Variants in TNFRSF8 observed in about 807,000 individuals in gnomAD.
TNFRSF8 encodes TNF receptor superfamily member 8.
Under a neutral mutation model 70.8 loss-of-function variants are expected in TNFRSF8, and 26 were observed. The observed-to-expected ratio is 0.37, with a 90% confidence interval of 0.27 to 0.51. The LOEUF (loss-of-function observed/expected upper bound fraction) is 0.51. Ranked by LOEUF, TNFRSF8 falls within the 20% of genes least tolerant of loss-of-function variation. The pLI, the probability that TNFRSF8 is intolerant of heterozygous loss-of-function variation, is 0.94. For missense variants in TNFRSF8, 720 were observed against 807.9 expected (o/e 0.89, Z 1.32); for synonymous variants, 356 against 339.2 (o/e 1.05, Z -0.54).
At chr1:12,115,825 GA>G in intron 8 of TNFRSF8, 96 bp downstream of exon 8, 1 of 1,384,434 alleles carries the variant, frequency 7.2e-7, no homozygotes, top group Non-Finnish European at 9.9e-7. Flanking sequence ...GGAGGCAAAT[GA>G]CCTACACCCT....
At chr1:12,070,251 C>T (rs1640818879) in intron 1 of TNFRSF8, among the ~76,000 whole-genome samples, 1 of 151,686 alleles carries the variant, frequency 6.6e-6, no homozygotes, top group Admixed American at 6.6e-5. Context: ...GCTTTTTCTT[C>T]TTTTCTTTTC....
chr1:12,080,973 A>G (rs1031530882), intron 1 of TNFRSF8, among the ~76,000 whole-genome samples: 1 of 152,176 alleles, frequency 6.6e-6, no homozygotes, highest in African/African-American at 2.4e-5. Flanking sequence ...ACCTTGGGCA[A>G]GTGGCTACAC....
At position 12,123,368 on chromosome 1, in the gene TNFRSF8, C is replaced by A; in HGVS notation, c.1031C>A (p.Ala344Glu). The change falls in exon 9 of 15, where the codon GCG becomes GAG. Residue 344 changes from alanine to glutamate, a missense_variant. By Grantham distance (107) the Ala-to-Glu change is moderately radical (BLOSUM62 -1). Transcript: ENST00000263932. ...DCNPTPENGE[A>E]PASTSPTQSL... ...AACCCCACCCCAGAGAATGGCGAGGCGCCTGCCAGGTGACTCCCCCACCCC... is the reference window on the plus strand; with the variant it reads ...AACCCCACCCCAGAGAATGGCGAGGAGCCTGCCAGGTGACTCCCCCACCCC... 2 of 1,608,988 alleles carry A rather than the reference C, an allele frequency of 1.2e-6. No homozygotes were observed. Among genetic ancestry groups the A allele is most frequent in the Non-Finnish European group, 1.7e-6 (2 of 1,177,928 alleles).
chr1:12,092,861 A>G (rs1417773319), intron 2 of TNFRSF8, among the ~76,000 whole-genome samples: 6 of 151,422 alleles, frequency 4.0e-5, no homozygotes, highest in African/African-American at 1.5e-4. Context: ...GCTGGAGTGC[A>G]GTGGTGTAAT....
At position 12,089,547 on chromosome 1, in the gene TNFRSF8, G is replaced by A. The variant is rs926202580; in HGVS notation, c.151+4996G>A. Among the ~76,000 whole-genome samples the A allele has an allele frequency of 3.9e-5, 6 of 152,148 alleles. No individual in the cohort carries two copies. The East Asian group carries it at 1.2e-3, about 29-fold the overall frequency. ...TAGGAGGAAGTATGTGGGCGTGGAA[G>A]GGAGGAAATGGAAGGCAGTAGAAGG... On this transcript the variant is annotated intron_variant, in intron 2 of 14. Coordinates refer to ENST00000263932, the MANE Select transcript of TNFRSF8 (RefSeq NM_001243.5).
At chr1:12,076,092 TTTTTC>T (rs1343601720) in intron 1 of TNFRSF8, among the ~76,000 whole-genome samples, 10 of 103,252 alleles carry the variant, frequency 9.7e-5, no homozygotes, top group African/African-American at 3.0e-4. Flanking sequence ...TATTCTTTTT[TTTTTC>T]TTTTTCTTTT....
At chr1:12,124,125 C>T (rs1296771483) in intron 10 of TNFRSF8, among the ~76,000 whole-genome samples, 1 of 152,194 alleles carries the variant, frequency 6.6e-6, no homozygotes, top group Non-Finnish European at 1.5e-5. Context: ...CTGTCTCAGC[C>T]TCCCGAGTAG....
chr1:12,136,331 G>A (rs1468579904), intron 13 of TNFRSF8, among the ~76,000 whole-genome samples: 1 of 152,168 alleles, frequency 6.6e-6, no homozygotes, highest in Admixed American at 6.5e-5. Context: ...ATAGGCCAAT[G>A]CATTAATAGT....
intron 12 of TNFRSF8, among the ~76,000 whole-genome samples, chr1:12,128,662 G>T (rs1641987929): frequency 6.6e-6 from 1 of 152,082 alleles, no homozygotes; most frequent in African/African-American, 2.4e-5. Context: ...TGGCACCATT[G>T]ACATTTGGGA....
intron 2 of TNFRSF8, among the ~76,000 whole-genome samples, chr1:12,087,594 G>T (rs1428214888): frequency 6.6e-6 from 1 of 152,192 alleles, no homozygotes; most frequent in Admixed American, 6.5e-5. Flanking sequence ...GTTGGTGGTG[G>T]TTCCCACTCA....
Position 12,135,591 on chromosome 1 carries a change from C to T in TNFRSF8, c.1313C>T (p.Ser438Phe). ...TTGCTGCTCTTGCTTTTTGCAGATT[C>T]CAGACCCAGGAGGAGCTCAACGGTA... ...TSQPKLELVD[S>F]RPRRSSTQLR... The change falls in exon 13 of 15, where the codon TCC becomes TTC. Residue 438 changes from serine (S) to phenylalanine (F), a missense_variant. Transcript: ENST00000263932. 1 of 1,614,098 alleles carries T rather than the reference C, an allele frequency of 6.2e-7. No homozygotes were observed.
chr1:12,073,739 G>C (rs1425450178), intron 1 of TNFRSF8, among the ~76,000 whole-genome samples: 1 of 151,362 alleles, frequency 6.6e-6, no homozygotes, highest in Non-Finnish European at 1.5e-5. Context: ...GATTACAGGC[G>C]CCCACCACCA....
At chr1:12,064,182 C>T (rs1640697741) in intron 1 of TNFRSF8, among the ~76,000 whole-genome samples, 1 of 152,060 alleles carries the variant, frequency 6.6e-6, no homozygotes. Context: ...GGGTGCAGGA[C>T]CACCGGGATT....
chr1:12,102,616 C>T (rs1180496871), intron 3 of TNFRSF8, among the ~76,000 whole-genome samples: 1 of 152,212 alleles, frequency 6.6e-6, no homozygotes, highest in Non-Finnish European at 1.5e-5. Flanking sequence ...ACCTCCACTT[C>T]TCGGGTTCAA....
intron 3 of TNFRSF8, among the ~76,000 whole-genome samples, chr1:12,099,581 C>T (rs1431558000): frequency 6.6e-6 from 1 of 152,102 alleles, no homozygotes; most frequent in Non-Finnish European, 1.5e-5. Flanking sequence ...CTGCACCCAA[C>T]TTACAATTTT....
Position 12,123,708 on chromosome 1 carries a change from C to T in TNFRSF8, c.1041-7C>T. The T allele has an allele frequency of 2.6e-6, 4 of 1,555,888 alleles. No homozygotes were observed. The highest frequency in any genetic ancestry group is 2.6e-6 in the Non-Finnish European group (3 of 1,148,788). ...TCATCACTCCTGCCTTGGGCTTCTCCCCGCAGCACCAGCCCCACTCAGAGC... is the reference window on the plus strand; with the variant it reads ...TCATCACTCCTGCCTTGGGCTTCTCTCCGCAGCACCAGCCCCACTCAGAGC... On this transcript the variant is annotated splice_region_variant and splice_polypyrimidine_tract_variant and intron_variant, in intron 9 of 14. Transcript: ENST00000263932.
intron 14 of TNFRSF8, among the ~76,000 whole-genome samples, chr1:12,140,599 G>T (rs1376087173): frequency 6.6e-6 from 1 of 152,172 alleles, no homozygotes; most frequent in Admixed American, 6.5e-5. Flanking sequence ...CCTCATGGCC[G>T]GCTCTGAAGT....
intron 2 of TNFRSF8, among the ~76,000 whole-genome samples, chr1:12,094,657 A>C (rs1570016494): frequency 7.8e-6 from 1 of 128,938 alleles, no homozygotes; most frequent in Non-Finnish European, 1.6e-5. Flanking sequence ...ACGGAGTCTC[A>C]CTCTATCGCC....
intron 8 of TNFRSF8, among the ~76,000 whole-genome samples, chr1:12,118,656 GA>G (rs780779949): frequency 2.0e-5 from 3 of 152,310 alleles, no homozygotes; most frequent in Non-Finnish European, 4.4e-5. Flanking sequence ...CAGAGGGCAA[GA>G]AAAGGCTTTT....
Sources: gnomAD v4.1 joint callset for allele counts (sites outside exome capture counted in the v4.1 genomes callset) on GRCh38, gnomAD v4.1.1 for gene constraint, MANE v1.5 for transcripts, NCBI Gene and HGNC (gene_info 2026-07-23, HGNC 2026-07-21) for gene names.